Variants in ZCWPW1 observed in about 807,000 individuals in gnomAD.
ZCWPW1 encodes the protein zinc finger CW-type and PWWP domain containing 1.
In ZCWPW1, 56 loss-of-function variants were observed where a neutral mutation model predicts 81.3. That is an observed-to-expected ratio of 0.69 (90% confidence interval 0.56 to 0.86). The LOEUF (loss-of-function observed/expected upper bound fraction) is 0.86. Ranked by LOEUF, ZCWPW1 falls within the 40% of genes least tolerant of loss-of-function variation. ZCWPW1 has a pLI of 0.00. For synonymous variants in ZCWPW1, 250 were observed against 273.7 expected (o/e 0.91, Z 0.86); for missense variants, 650 against 769.8 (o/e 0.84, Z 1.84).
chr7:100,402,469 C>T lies in ZCWPW1; in HGVS notation c.1474+47G>A, dbSNP rs771472340. On this transcript the variant is annotated intron_variant, in intron 16 of 17. Transcript: ENST00000684423. The stretch of plus-strand genomic sequence containing the variant: ...CTGCAGACTCCCTCTCTACCACTTC[C>T]CTGCCTTAACTGTGGGTTGTGCTCC... The T allele has an allele frequency of 3.7e-6, 6 of 1,603,436 alleles. 1 individual carries two copies. The African/African-American group carries it at 6.7e-5, about 18-fold the overall frequency.
intron 8 of ZCWPW1, among the ~76,000 whole-genome samples, chr7:100,412,367 T>C (rs964210043): frequency 6.6e-6 from 1 of 152,152 alleles, no homozygotes; most frequent in Non-Finnish European, 1.5e-5. Flanking sequence ...TGCTTCATCT[T>C]ATATTACAAA....
In ZCWPW1 at chr7:100,404,170, T is replaced by C; in HGVS notation, c.1321+8A>G. 1 of 1,614,084 alleles carries C rather than the reference T, an allele frequency of 6.2e-7. No individual in the cohort carries two copies. The highest frequency in any genetic ancestry group is 8.5e-7 in the Non-Finnish European group (1 of 1,179,946). On this transcript the variant is annotated splice_region_variant and intron_variant, in intron 14 of 17. Transcript: ENST00000684423. ...CCTTCTCCAGTCCTCAACCTCCATT[T>C]ATCCTACCTTTTCTTTCCCCATTAC...
intron 11 of ZCWPW1, 89 bp from the exon 12 acceptor site, chr7:100,406,887 A>T: frequency 5.8e-6 from 7 of 1,199,492 alleles, no homozygotes; most frequent in Non-Finnish European, 8.4e-6. Flanking sequence ...ATGGGAATTC[A>T]CCCAGAAGGA....
At chr7:100,404,818 AC>A (rs1230883345) in intron 13 of ZCWPW1, among the ~76,000 whole-genome samples, 194 bp downstream of exon 13, 1 of 151,958 alleles carries the variant, frequency 6.6e-6, no homozygotes, top group Non-Finnish European at 1.5e-5. Context: ...TCTCTATCCT[AC>A]CCCCACCAAC....
chr7:100,420,083 C>G lies in ZCWPW1; in HGVS notation c.29-200G>C, dbSNP rs545761937. On this transcript the variant is annotated intron_variant, in intron 3 of 17. Transcript: ENST00000684423. ...AGTTAGACATGAGAGGCCTAGCAAT[C>G]TGTAATTTTACAAGGCTAGTTGATT... is the stretch of plus-strand genomic sequence containing the variant. Among the ~76,000 whole-genome samples, 7 of 152,302 alleles carry G rather than the reference C, an allele frequency of 4.6e-5. No homozygotes were observed. The South Asian group carries it at 1.5e-3, about 32-fold the overall frequency.
Position 100,420,670 on chromosome 7 carries a change from T to C in ZCWPW1, c.-21A>G. On this transcript the variant is annotated 5_prime_UTR_variant, in exon 3 of 18. Coordinates refer to ENST00000684423, the MANE Select transcript of ZCWPW1 (RefSeq NM_001386010.1). Reference sequence around the variant, plus strand: ...ATCATTCAGCTTAGAAACTACGCTTTGTGTGCCTCTGTTAGAAAAAAGAAA... The same window carrying C: ...ATCATTCAGCTTAGAAACTACGCTTCGTGTGCCTCTGTTAGAAAAAAGAAA... 6.2e-7 allele frequency: 1 copy of C among 1,613,794 alleles called. No homozygotes were observed. Among genetic ancestry groups the C allele is most frequent in the South Asian group, 1.1e-5 (1 of 91,076 alleles).
At chr7:100,424,454 A>T (rs570502073) in intron 2 of ZCWPW1, among the ~76,000 whole-genome samples, 15 of 152,192 alleles carry the variant, frequency 9.9e-5, no homozygotes, top group African/African-American at 3.6e-4. Flanking sequence ...ACTTCAAAAA[A>T]TATTTTAAAT....
chr7:100,422,078 C>A (rs1196245520), intron 2 of ZCWPW1, among the ~76,000 whole-genome samples: 3 of 152,126 alleles, frequency 2.0e-5, no homozygotes, highest in Non-Finnish European at 4.4e-5. Context: ...ATTCTTTACC[C>A]TTTATGTAGC....
rs374845591 is a variant in ZCWPW1, at chr7:100,413,999, C to A, written c.754+1976G>T. On this transcript the variant is annotated intron_variant, in intron 8 of 17. Transcript: ENST00000684423. ...TCTGCAGTACCCCAAAAGTTCTCAA[C>A]AAGCACATCTGAGTTTATATAGTCA... is the stretch of plus-strand genomic sequence containing the variant. Among the ~76,000 whole-genome samples the A allele has an allele frequency of 9.0e-4, 137 of 152,316 alleles. 2 individuals carry two copies. The South Asian group carries it at 0.025, about 28-fold the overall frequency.
intron 1 of ZCWPW1, 144 bp downstream of exon 1, chr7:100,428,424 G>A (rs1315775833): frequency 6.6e-6 from 1 of 152,270 alleles, no homozygotes; most frequent in Non-Finnish European, 1.5e-5. Flanking sequence ...ATCCTCTTTG[G>A]TGTCACATAT....
intron 5 of ZCWPW1, among the ~76,000 whole-genome samples, chr7:100,417,810 G>C (rs557540976): frequency 1.3e-5 from 2 of 152,122 alleles, no homozygotes; most frequent in Non-Finnish European, 2.9e-5. Flanking sequence ...TGAAATGTCA[G>C]ACTGTTCTCT....
intron 2 of ZCWPW1, among the ~76,000 whole-genome samples, chr7:100,423,949 A>T (rs534189357): frequency 2.6e-5 from 4 of 151,994 alleles, no homozygotes; most frequent in Non-Finnish European, 5.9e-5. Context: ...GGGCGCCTGT[A>T]ATCCCAGCTA....
intron 1 of ZCWPW1, among the ~76,000 whole-genome samples, chr7:100,426,130 T>C (rs935494596): frequency 1.3e-5 from 2 of 152,230 alleles, no homozygotes; most frequent in African/African-American, 4.8e-5. Context: ...ATCCTTGGTC[T>C]AAGAGAAGTA....
intron 8 of ZCWPW1, among the ~76,000 whole-genome samples, chr7:100,411,442 AT>A (rs1794143628): frequency 6.6e-6 from 1 of 151,840 alleles, no homozygotes. Flanking sequence ...AATTTTTTGT[AT>A]TTATTGACAG....
intron 10 of ZCWPW1, among the ~76,000 whole-genome samples, chr7:100,407,620 T>G (rs73401478): frequency 0.033 from 5,039 of 152,166 alleles, 290 homozygotes; most frequent in African/African-American, 0.12. Context: ...CTCAAACTCC[T>G]GGGTTCAAGC....
intron 9 of ZCWPW1, 125 bp from the exon 10 acceptor site, chr7:100,408,784 T>A: frequency 1.7e-6 from 2 of 1,148,334 alleles, no homozygotes; most frequent in Non-Finnish European, 2.4e-6. Flanking sequence ...AAGGGGCACC[T>A]GGGAGATCAG....
Position 100,401,223 on chromosome 7 carries a change from C to T in ZCWPW1, c.1741G>A (p.Ala581Thr). The T allele has an allele frequency of 6.2e-7, 1 of 1,614,220 alleles. No homozygotes were observed. The highest frequency in any genetic ancestry group is 8.5e-7 in the Non-Finnish European group (1 of 1,180,032). ...KNLGLSACKG[A>T]CPSSAKEEPR... ...TCTTCTTTCGCAGATGAGGGGCAGG[C>T]CCCCTTACACGCTGATAGGCCCAGG... The change falls in exon 18 of 18, where the codon GCC (alanine) becomes ACC (threonine). Residue 581 changes from alanine (A) to threonine (T), a missense_variant. By Grantham distance (58) the Ala-to-Thr change is moderately conservative. Coordinates refer to ENST00000684423, the MANE Select transcript of ZCWPW1 (RefSeq NM_001386010.1).
At chr7:100,402,713 T>C in intron 15 of ZCWPW1, 137 bp from the exon 16 acceptor site, 2 of 878,500 alleles carry the variant, frequency 2.3e-6, no homozygotes, top group Non-Finnish European at 3.7e-6. Context: ...TTGTTTAAAT[T>C]TCTGGCAACA....
intron 8 of ZCWPW1, among the ~76,000 whole-genome samples, chr7:100,411,195 A>T (rs769771626): frequency 6.6e-6 from 1 of 152,154 alleles, no homozygotes; most frequent in Non-Finnish European, 1.5e-5. Flanking sequence ...TCCCTCCAGA[A>T]TCATCCCTCA....
Sources: gnomAD v4.1 joint callset for allele counts (sites outside exome capture counted in the v4.1 genomes callset) on GRCh38, gnomAD v4.1.1 for gene constraint, MANE v1.5 for transcripts, NCBI Gene and HGNC (gene_info 2026-07-23, HGNC 2026-07-21) for gene names.